Variants in WIPF2 observed in about 807,000 individuals in gnomAD.
WIPF2 encodes the protein WAS/WASL-interacting protein family member 2.
A neutral mutation model predicts 38.8 loss-of-function variants in WIPF2; 23 were observed. The ratio of observed to expected loss-of-function variants is 0.59; its 90% CI spans 0.43 to 0.84. The LOEUF is 0.84. Ranked by LOEUF, WIPF2 falls within the 40% of genes least tolerant of loss-of-function variation. The pLI, the probability that WIPF2 is intolerant of heterozygous loss-of-function variation, is 0.00. For missense variants in WIPF2, 574 were observed against 580.5 expected (o/e 0.99, Z 0.11); for synonymous variants, 210 against 223.2 (o/e 0.94, Z 0.53).
intron 1 of WIPF2, chr17:40,220,627 A>T (rs1241220783): frequency 1.6e-5 from 2 of 127,056 alleles, no homozygotes; most frequent in Non-Finnish European, 3.2e-5. Flanking sequence ...ATGTATATAT[A>T]TATATTTTTT....
chr17:40,252,784 A>G (rs1439225387), intron 1 of WIPF2, among the ~76,000 whole-genome samples: 1 of 149,282 alleles, frequency 6.7e-6, no homozygotes, highest in Non-Finnish European at 1.5e-5. Context: ...TTTTTTTGAG[A>G]TGGAGTTTCG....
chr17:40,228,580 A>G lies in WIPF2; in HGVS notation c.-70+9088A>G, dbSNP rs961914529. 2.7e-5 allele frequency among the ~76,000 whole-genome samples: 4 copies of G among 145,590 alleles called. No homozygotes were observed. In the Admixed American group the frequency reaches 2.8e-4, roughly 10 times the overall value. On this transcript the variant is annotated intron_variant, in intron 1 of 7. Transcript: ENST00000323571. ...TTTGAGTTCCTACTGTGTGCCAAGT[A>G]CTGTGGTAGGGGATGCAGGGGATGC... is the stretch of plus-strand genomic sequence containing the variant.
chr17:40,237,385 C>T (rs759483744), intron 1 of WIPF2, among the ~76,000 whole-genome samples: 5 of 151,702 alleles, frequency 3.3e-5, no homozygotes, highest in African/African-American at 9.7e-5. Flanking sequence ...GGATTACAGG[C>T]GTGCGCCACA....
intron 1 of WIPF2, among the ~76,000 whole-genome samples, chr17:40,251,926 G>A (rs1458508300): frequency 6.6e-6 from 1 of 152,174 alleles, no homozygotes; most frequent in Non-Finnish European, 1.5e-5. Flanking sequence ...TCAGTCACTT[G>A]ATATAGATGG....
At chr17:40,228,072 G>T (rs2030573954) in intron 1 of WIPF2, among the ~76,000 whole-genome samples, 1 of 124,204 alleles carries the variant, frequency 8.1e-6, no homozygotes, top group African/African-American at 3.2e-5. Flanking sequence ...CTGGAGTGCA[G>T]TGGCGGGATC....
chr17:40,277,887 G>A (rs1487415148), intron 7 of WIPF2, among the ~76,000 whole-genome samples: 3 of 151,698 alleles, frequency 2.0e-5, no homozygotes, highest in Non-Finnish European at 4.4e-5. Context: ...CCACCATGCC[G>A]GATTATTTTT....
intron 1 of WIPF2, among the ~76,000 whole-genome samples, chr17:40,252,966 A>G (rs2031605785): frequency 6.6e-6 from 1 of 150,660 alleles, no homozygotes; most frequent in African/African-American, 2.4e-5. Flanking sequence ...GGTTTCTTCC[A>G]TGTTGGTCAG....
intron 1 of WIPF2, among the ~76,000 whole-genome samples, chr17:40,241,537 TGAC>T (rs1284327724): frequency 6.6e-6 from 1 of 152,186 alleles, no homozygotes; most frequent in East Asian, 1.9e-4. Flanking sequence ...TGGGCTTGTG[TGAC>T]TTCATTTTTT....
At chr17:40,234,672 G>A (rs1347444700) in intron 1 of WIPF2, among the ~76,000 whole-genome samples, 2 of 152,068 alleles carry the variant, frequency 1.3e-5, no homozygotes, top group Non-Finnish European at 2.9e-5. Context: ...GGATATTTTA[G>A]ATGCTTACAA....
intron 1 of WIPF2, among the ~76,000 whole-genome samples, chr17:40,248,163 CTTTTTTT>C (rs60359132): frequency 6.1e-4 from 29 of 47,596 alleles, no homozygotes; most frequent in African/African-American, 1.2e-3. Context: ...AAAGTTATTT[CTTTTTTT>C]TTTTTTTTTT....
chr17:40,236,478 C>T (rs945442571), intron 1 of WIPF2, among the ~76,000 whole-genome samples: 2 of 150,578 alleles, frequency 1.3e-5, no homozygotes, highest in African/African-American at 4.9e-5. Context: ...GCTGGAACTA[C>T]AGGCGTGTGT....
chr17:40,246,125 T>A (rs575722216), intron 1 of WIPF2, among the ~76,000 whole-genome samples: 303 of 151,282 alleles, frequency 2.0e-3, no homozygotes, highest in Non-Finnish European at 3.6e-3. Context: ...GTCTCACTGT[T>A]GCCCAGGCTG....
chr17:40,249,602 C>T (rs1487758718), intron 1 of WIPF2, among the ~76,000 whole-genome samples: 1 of 149,810 alleles, frequency 6.7e-6, no homozygotes, highest in Non-Finnish European at 1.5e-5. Flanking sequence ...TACAGGCATG[C>T]ACCACCATGC....
intron 5 of WIPF2, among the ~76,000 whole-genome samples, chr17:40,269,693 C>T (rs2032192057): frequency 6.7e-6 from 1 of 148,622 alleles, no homozygotes; most frequent in Admixed American, 6.7e-5. Context: ...CAAGCTCCAC[C>T]TCCCAGGTTC....
At chr17:40,234,634 A>AG (rs368641273) in intron 1 of WIPF2, among the ~76,000 whole-genome samples, 1 of 152,166 alleles carries the variant, frequency 6.6e-6, no homozygotes, top group African/African-American at 2.4e-5. Flanking sequence ...TCAAAAAAAA[A>AG]GGAAAACCAT....
In WIPF2 at chr17:40,260,686, T is replaced by C. The variant is rs1244393003; in HGVS notation, c.196+19T>C. On this transcript the variant is annotated intron_variant, in intron 3 of 7. Coordinates refer to ENST00000323571, the MANE Select transcript of WIPF2 (RefSeq NM_133264.5). ...CTCGAGAGTGAGTCCGAGCTTCATT[T>C]CCTAGTGAACTGGCAGGATCCCAGG... 2 of 1,613,434 alleles carry C rather than the reference T, an allele frequency of 1.2e-6. No homozygotes were observed. Among genetic ancestry groups the C allele is most frequent in the African/African-American group, 2.7e-5 (2 of 74,830 alleles).
At chr17:40,232,400 G>C (rs1156987537) in intron 1 of WIPF2, among the ~76,000 whole-genome samples, 1 of 151,208 alleles carries the variant, frequency 6.6e-6, no homozygotes, top group Non-Finnish European at 1.5e-5. Context: ...ATGTTGGCCA[G>C]GCTGGTCTTG....
At chr17:40,262,746 A>G in intron 4 of WIPF2, 105 bp downstream of exon 4, 2 of 878,154 alleles carry the variant, frequency 2.3e-6, no homozygotes, top group African/African-American at 1.7e-5. Context: ...GGGGGGAAGA[A>G]AGACTTGGGA....
chr17:40,234,938 A>T (rs1322073310), intron 1 of WIPF2, among the ~76,000 whole-genome samples: 1 of 149,752 alleles, frequency 6.7e-6, no homozygotes, highest in African/African-American at 2.5e-5. Context: ...TTTTTTTGAG[A>T]CGGAGTCTTG....
Sources: allele counts gnomAD v4.1 joint callset (sites outside exome capture counted in the v4.1 genomes callset), GRCh38; gene constraint gnomAD v4.1.1; transcripts MANE v1.5; gene names NCBI Gene and HGNC (gene_info 2026-07-23, HGNC 2026-07-21).